The following MTSS1 variants were observed in gnomAD, a reference collection of about 807,000 sequenced individuals.
The protein encoded by MTSS1 is protein MTSS 1.
In MTSS1, 18 loss-of-function variants were observed where a neutral mutation model predicts 79.0. That is an observed-to-expected ratio of 0.23 (90% confidence interval 0.16 to 0.34). The LOEUF (loss-of-function observed/expected upper bound fraction) is 0.34. Ranked by LOEUF, MTSS1 falls within the 10% of genes least tolerant of loss-of-function variation. The pLI is 1.00. For missense variants in MTSS1, 815 were observed against 986.2 expected (o/e 0.83, Z 2.33); for synonymous variants, 341 against 368.6 (o/e 0.93, Z 0.86).
chr8:124,673,312 G>A (rs1437900561), intron 3 of MTSS1: 2 of 151,962 alleles, frequency 1.3e-5, no homozygotes, highest in Non-Finnish European at 2.9e-5. Context: ...GAACCCGGGA[G>A]GTGGAGGTTG....
intron 2 of MTSS1, among the ~76,000 whole-genome samples, chr8:124,701,099 C>G (rs796167683): frequency 2.0e-5 from 3 of 152,188 alleles, no homozygotes; most frequent in African/African-American, 7.2e-5. Flanking sequence ...TAGCCGGGCA[C>G]AGTGGTGCAT....
chr8:124,620,480 T>G lies in MTSS1; in HGVS notation c.209-29245A>C, dbSNP rs564664608. Among the ~76,000 whole-genome samples, 4 of 152,294 alleles carry G rather than the reference T, an allele frequency of 2.6e-5. No individual in the cohort carries two copies. The South Asian group carries it at 8.3e-4, about 32-fold the overall frequency. ...CAACTCCCAAGGGTGTCTAGCAAGG[T>G]CACGGCATGCATTGGACACTCCAAA... On this transcript the variant is annotated intron_variant, in intron 3 of 13. Coordinates refer to ENST00000518547, the MANE Select transcript of MTSS1 (RefSeq NM_014751.6).
chr8:124,573,530 T>C (rs1223745921), intron 6 of MTSS1, among the ~76,000 whole-genome samples: 2 of 152,272 alleles, frequency 1.3e-5, no homozygotes, highest in African/African-American at 4.8e-5. Context: ...CTGTATCTCC[T>C]CAGTCAGCAC....
At chr8:124,563,080 G>A in intron 9 of MTSS1, 88 bp from the exon 10 acceptor site, 1 of 1,154,156 alleles carries the variant, frequency 8.7e-7, no homozygotes, top group South Asian at 1.4e-5. Context: ...GAGGGGAACA[G>A]ATGAGGCAGA....
chr8:124,628,320 T>C (rs935349024), intron 3 of MTSS1, among the ~76,000 whole-genome samples: 2 of 152,168 alleles, frequency 1.3e-5, no homozygotes, highest in Non-Finnish European at 2.9e-5. Flanking sequence ...AGTCTTATCA[T>C]CCGACTCCCA....
At chr8:124,710,811 A>G (rs538941966) in intron 1 of MTSS1, among the ~76,000 whole-genome samples, 1 of 152,288 alleles carries the variant, frequency 6.6e-6, no homozygotes, top group Admixed American at 6.5e-5. Context: ...CACAAGGAAC[A>G]CAGGGGCCGG....
chr8:124,590,080 C>T (rs1024380919), intron 4 of MTSS1, among the ~76,000 whole-genome samples: 1 of 152,196 alleles, frequency 6.6e-6, no homozygotes, highest in Non-Finnish European at 1.5e-5. Context: ...TGGTCTTGAT[C>T]TCCTGACCTC....
intron 3 of MTSS1, among the ~76,000 whole-genome samples, chr8:124,638,030 A>G (rs1817349883): frequency 6.6e-6 from 1 of 152,248 alleles, no homozygotes; most frequent in Non-Finnish European, 1.5e-5. Flanking sequence ...AGTACTTCCC[A>G]AACTTTAATG....
intron 3 of MTSS1, among the ~76,000 whole-genome samples, chr8:124,648,648 G>A (rs1000335773): frequency 4.0e-5 from 6 of 151,462 alleles, no homozygotes; most frequent in East Asian, 1.9e-4. Context: ...AAGTCCAGCC[G>A]TTTCCCTACT....
At chr8:124,716,412 C>T (rs886151169) in intron 1 of MTSS1, among the ~76,000 whole-genome samples, 11 of 152,170 alleles carry the variant, frequency 7.2e-5, no homozygotes, top group Non-Finnish European at 1.3e-4. Flanking sequence ...GTGGTGGAGT[C>T]GGGGATGGGG....
intron 3 of MTSS1, among the ~76,000 whole-genome samples, chr8:124,686,421 T>C (rs1826999091): frequency 6.6e-6 from 1 of 152,246 alleles, no homozygotes; most frequent in Non-Finnish European, 1.5e-5. Context: ...GTGGACTCTT[T>C]ACAGAGTTGT....
chr8:124,675,762 C>T (rs756809929), intron 3 of MTSS1, among the ~76,000 whole-genome samples: 8 of 152,230 alleles, frequency 5.3e-5, no homozygotes, highest in Non-Finnish European at 1.0e-4. Flanking sequence ...TATGAGACCT[C>T]TTGTCTCTTG....
chr8:124,631,855 C>T (rs56995505), intron 3 of MTSS1, among the ~76,000 whole-genome samples: 34,973 of 152,172 alleles, frequency 0.23, 5,377 homozygotes, highest in African/African-American at 0.44. Context: ...GCTTCCCCCA[C>T]TGCCTGTCCA....
At chr8:124,645,219 A>C (rs1216329159) in intron 3 of MTSS1, among the ~76,000 whole-genome samples, 1 of 152,064 alleles carries the variant, frequency 6.6e-6, no homozygotes, top group Admixed American at 6.6e-5. Flanking sequence ...AAACAAAAAC[A>C]AAAACGAAAA....
At chr8:124,720,733 G>T (rs1428459948) in intron 1 of MTSS1, among the ~76,000 whole-genome samples, 1 of 152,198 alleles carries the variant, frequency 6.6e-6, no homozygotes, top group African/African-American at 2.4e-5. Flanking sequence ...GTCTGCCTAA[G>T]AAGTGGTGGA....
chr8:124,704,789 T>A (rs1232492355), intron 1 of MTSS1, among the ~76,000 whole-genome samples: 1 of 152,210 alleles, frequency 6.6e-6, no homozygotes, highest in Non-Finnish European at 1.5e-5. Flanking sequence ...AGCCACCCTG[T>A]CCTTGATGTT....
chr8:124,671,366 G>A (rs567803271), intron 3 of MTSS1, among the ~76,000 whole-genome samples: 35 of 152,180 alleles, frequency 2.3e-4, no homozygotes, highest in Admixed American at 6.5e-4. Flanking sequence ...ACCATACCTC[G>A]AATGATGGGG....
In MTSS1 at chr8:124,582,860, C is replaced by G. The variant is rs941580013; in HGVS notation, c.460+2227G>C. On this transcript the variant is annotated intron_variant, in intron 6 of 13. Coordinates refer to ENST00000518547, the MANE Select transcript of MTSS1 (RefSeq NM_014751.6). The surrounding 1 kb of genome is among the most constrained non-coding windows in gnomAD (Gnocchi z 4.8). ...TAAGTGAGTTGTGTTTTCTTCAGTC[C>G]ATTCTCAGCCATACATATGCCTCCT... Among the ~76,000 whole-genome samples, 6 of 152,124 alleles carry G rather than the reference C, an allele frequency of 3.9e-5. No individual in the cohort carries two copies. Among genetic ancestry groups the G allele is most frequent in the Non-Finnish European group, 5.9e-5 (4 of 68,028 alleles).
intron 5 of MTSS1, 114 bp from the exon 6 acceptor site, chr8:124,585,275 A>G: frequency 1.3e-6 from 1 of 755,234 alleles, no homozygotes; most frequent in Middle Eastern, 3.8e-4. Flanking sequence ...ACATGCCGTC[A>G]ATGGCTTTAT....
Sources: gnomAD v4.1 joint callset for allele counts (sites outside exome capture counted in the v4.1 genomes callset) on GRCh38, gnomAD v4.1.1 for gene constraint, Gnocchi (gnomAD v3.1) non-coding constraint, MANE v1.5 for transcripts, NCBI Gene and HGNC (gene_info 2026-07-23, HGNC 2026-07-21) for gene names.